KLK12: variants seen among roughly 807,000 people sequenced by gnomAD.
The protein encoded by KLK12 is kallikrein related peptidase 12.
Under a neutral mutation model 20.0 loss-of-function variants are expected in KLK12, and 23 were observed. The observed-to-expected ratio is 1.15, with a 90% confidence interval of 0.83 to 1.63. The LOEUF is 1.63. KLK12 is among the 40% of genes most tolerant of loss of function. The pLI, the probability that KLK12 is intolerant of heterozygous loss-of-function variation, is 0.00. For synonymous variants in KLK12, 147 were observed against 141.9 expected (o/e 1.04, Z -0.25); for missense variants, 351 against 338.6 (o/e 1.04, Z -0.29).
chr19:51,034,774 C>T, intron 1 of KLK12, 32 bp downstream of exon 1: 1 of 1,504,438 alleles, frequency 6.6e-7, no homozygotes, highest in Non-Finnish European at 8.9e-7. Context: ...GTGTGTCACT[C>T]CCTCATTGGC....
Position 51,033,829 on chromosome 19 carries a change from C to G in KLK12, c.197+151G>C, listed in dbSNP as rs1472146992. On this transcript the variant is annotated intron_variant, in intron 3 of 5. Transcript: ENST00000684732. Reference sequence around the variant, plus strand: ...CCTGCCCAGCACCACCCCAGGCCCACTGCTAAGGAAGTTCCACTCCTGGTC... The same window carrying G: ...CCTGCCCAGCACCACCCCAGGCCCAGTGCTAAGGAAGTTCCACTCCTGGTC... The G allele has an allele frequency of 4.7e-6, 4 of 848,086 alleles. No homozygotes were observed. The Admixed American group carries it at 6.1e-5, about 13-fold the overall frequency. 52.5% of individuals were successfully genotyped at this position (848,086 alleles called of 1,614,324 possible).
In KLK12 at chr19:51,033,986, C is replaced by T. The variant is rs2091585811; in HGVS notation, c.191G>A (p.Ser64Asn). 4.3e-6 allele frequency: 7 copies of T among 1,611,656 alleles called. No homozygotes were observed. The African/African-American group carries it at 5.3e-5, about 12-fold the overall frequency. The change falls in exon 3 of 6, where the codon AGC becomes AAC. Residue 64 changes from serine to asparagine, a missense_variant. Ser to Asn is a conservative substitution (Grantham distance 46). Coordinates refer to ENST00000684732, the MANE Select transcript of KLK12 (RefSeq NM_001370125.1). Reference protein sequence around the residue: ...HRWVLTAAHCSGSRYWVRLGE... With the variant: ...HRWVLTAAHCNGSRYWVRLGE... The stretch of plus-strand genomic sequence containing the variant: ...ACCCCAGGAAGGGACTTACCTGCCG[C>T]TGCAGTGAGCCGCTGTGAGGACCCA...
Position 51,030,806 on chromosome 19 carries a change from C to A in KLK12, c.573G>T (p.Pro191=). The change falls in exon 5 of 6, where the codon CCG becomes CCT. Residue 191 remains proline, a synonymous_variant. Transcript: ENST00000684732. ...GGCTCACCTGGCAGGCATCCTGCCC[C>A]GGGACGCCGCCTGCACACACCATGT... ...TSNMVCAGGV[P]GQDACQGDSG... 6.2e-7 allele frequency: 1 copy of A among 1,613,878 alleles called. No individual in the cohort carries two copies. The highest frequency in any genetic ancestry group is 8.5e-7 in the Non-Finnish European group (1 of 1,180,016).
At chr19:51,029,576 AAG>A in intron 5 of KLK12, 119 bp from the exon 6 acceptor site, 2 of 799,912 alleles carry the variant, frequency 2.5e-6, no homozygotes, top group Non-Finnish European at 4.3e-6. Context: ...CATTAGACAA[AAG>A]AGTATAATCA....
At chr19:51,031,784 C>T (rs767396244) in intron 4 of KLK12, 92 bp downstream of exon 4, 2 of 1,365,790 alleles carry the variant, frequency 1.5e-6, no homozygotes. Context: ...CTTTACCCAT[C>T]CTTCCTCTGA....
chr19:51,032,777 G>A (rs2091572612), intron 3 of KLK12, among the ~76,000 whole-genome samples: 3 of 152,120 alleles, frequency 2.0e-5, no homozygotes, highest in Admixed American at 2.0e-4. Context: ...GCCTGGCACG[G>A]AGCATGTGCC....
intron 4 of KLK12, 127 bp downstream of exon 4, chr19:51,031,749 T>C (rs2091559781): frequency 2.8e-6 from 3 of 1,088,936 alleles, no homozygotes; most frequent in Non-Finnish European, 4.2e-6. Flanking sequence ...ACCATGATCC[T>C]GATGTCCCAT....
chr19:51,030,417 T>C (rs1357532872), intron 5 of KLK12, among the ~76,000 whole-genome samples: 3 of 151,642 alleles, frequency 2.0e-5, no homozygotes, highest in Admixed American at 2.0e-4. Context: ...TGGCGTGATC[T>C]CAGCTCACTG....
chr19:51,033,860 T>C, intron 3 of KLK12, 120 bp downstream of exon 3: 1 of 1,049,970 alleles, frequency 9.5e-7, no homozygotes, highest in Non-Finnish European at 1.4e-6. Context: ...TGGTCTAACC[T>C]CAGACTCTCT....
chr19:51,033,095 A>G (rs1464506910), intron 3 of KLK12, among the ~76,000 whole-genome samples: 1 of 151,458 alleles, frequency 6.6e-6, no homozygotes, highest in Non-Finnish European at 1.5e-5. Flanking sequence ...GCAGGCCTGT[A>G]GTCTTAGCTC....
chr19:51,033,488 T>C (rs913665479), intron 3 of KLK12, among the ~76,000 whole-genome samples: 1 of 151,854 alleles, frequency 6.6e-6, no homozygotes, highest in African/African-American at 2.4e-5. Flanking sequence ...TGGTGGCGGG[T>C]GCCTGTAATC....
Position 51,031,393 on chromosome 19 carries a change from C to T in KLK12, c.458-472G>A, listed in dbSNP as rs367768696. ...GTCCCCTGATCCTAGTTTATTGGGC[C>T]CCAGCCTCCATGACCCCAAACTTCG... On this transcript the variant is annotated intron_variant, in intron 4 of 5. Transcript: ENST00000684732. Among the ~76,000 whole-genome samples the T allele has an allele frequency of 4.0e-5, 6 of 151,864 alleles. No homozygotes were observed. The East Asian group carries it at 7.7e-4, about 20-fold the overall frequency.
At chr19:51,034,465 TCTC>T (rs1210722280) in intron 2 of KLK12, 117 bp downstream of exon 2, 2 of 1,521,486 alleles carry the variant, frequency 1.3e-6, no homozygotes, top group South Asian at 1.2e-5. Flanking sequence ...AGAAAGCCCC[TCTC>T]CTCCTCACCA....
Position 51,034,809 on chromosome 19 carries a change from G to A in KLK12, c.-23C>T. 1 of 1,464,620 alleles carries A rather than the reference G, an allele frequency of 6.8e-7. No individual in the cohort carries two copies. The highest frequency in any genetic ancestry group is 9.0e-7 in the Non-Finnish European group (1 of 1,108,588). The allele number at this position is 1,464,620 out of a possible 1,614,324, so 90.7% of individuals were successfully genotyped here. On this transcript the variant is annotated 5_prime_UTR_variant, in exon 1 of 6. Transcript: ENST00000684732. ...CAGTCGCCTACCTCCTTCTCACCTT[G>A]TCTCTTTGTCTGCCAGATCCTCTAC... is the stretch of plus-strand genomic sequence containing the variant.
chr19:51,034,512 T>G (rs1599772985), intron 2 of KLK12, 73 bp downstream of exon 2: 1 of 1,567,078 alleles, frequency 6.4e-7, no homozygotes, highest in Non-Finnish European at 8.7e-7. Context: ...ATGGGGAGGG[T>G]GGTGGGGCCT....
At chr19:51,029,554 T>C in intron 5 of KLK12, 97 bp from the exon 6 acceptor site, 1 of 986,144 alleles carries the variant, frequency 1.0e-6, no homozygotes. Context: ...TGGGGAGGGC[T>C]CCAAGTCTGG....
rs2091594580 is a variant in KLK12 at position 51,034,657 on chromosome 19, A to G, written c.-19-17T>C. Reference sequence around the variant, plus strand: ...TTCCAAAGTCTGGGGGAAAAGGGGAATCTCAGAGGTCACCCTTTCCCTGTG... The same window carrying G: ...TTCCAAAGTCTGGGGGAAAAGGGGAGTCTCAGAGGTCACCCTTTCCCTGTG... On this transcript the variant is annotated splice_polypyrimidine_tract_variant and intron_variant, in intron 1 of 5. Transcript: ENST00000684732. The G allele has an allele frequency of 6.2e-7, 1 of 1,601,674 alleles. No homozygotes were observed. The highest frequency in any genetic ancestry group is 8.5e-7 in the Non-Finnish European group (1 of 1,173,716).
chr19:51,033,905 C>G, intron 3 of KLK12, 75 bp downstream of exon 3: 1 of 1,420,148 alleles, frequency 7.0e-7, no homozygotes, highest in Non-Finnish European at 9.8e-7. Context: ...GTGGGCACCA[C>G]CCTCCCTTGT....
At chr19:51,033,834 A>G in intron 3 of KLK12, 146 bp downstream of exon 3, 1 of 873,000 alleles carries the variant, frequency 1.1e-6, no homozygotes, top group Non-Finnish European at 1.9e-6. Flanking sequence ...GCCCACTGCT[A>G]AGGAAGTTCC....
Sources: allele counts gnomAD v4.1 joint callset (sites outside exome capture counted in the v4.1 genomes callset), GRCh38; gene constraint gnomAD v4.1.1; transcripts MANE v1.5; gene names NCBI Gene and HGNC (gene_info 2026-07-23, HGNC 2026-07-21).